The following BAMBI variants were observed in gnomAD, a reference collection of about 807,000 sequenced individuals.
The protein encoded by BAMBI is BMP and activin membrane-bound inhibitor homolog.
Under a neutral mutation model 24.1 loss-of-function variants are expected in BAMBI, and 21 were observed. That is an observed-to-expected ratio of 0.87 (90% confidence interval 0.62 to 1.26). The LOEUF is 1.26. Ranked by LOEUF, BAMBI falls within the 50% of genes most tolerant of loss-of-function variation. The pLI is 0.00. For synonymous variants in BAMBI, 156 were observed against 123.1 expected, an observed-to-expected ratio of 1.27 and a Z score of -1.77; for missense variants, 388 against 329.1, an observed-to-expected ratio of 1.18 and a Z score of -1.38.
chr10:28,681,474 G>A lies in BAMBI; in HGVS notation c.293G>A (p.Cys98Tyr). 4 of 1,614,172 alleles carry A rather than the reference G, an allele frequency of 2.5e-6. No individual in the cohort carries two copies. Among genetic ancestry groups the A allele is most frequent in the Non-Finnish European group, 3.4e-6 (4 of 1,180,036 alleles). ...GGCACCACCATACCCACATTGGAAT[G>A]CTGTCATGAAGACATGTGCAATTAC... The part of the protein sequence containing the change: ...HSGTTIPTLE[C>Y]CHEDMCNYRG... The change falls in exon 2 of 3, where the codon TGC becomes TAC. Residue 98 changes from cysteine to tyrosine, a missense_variant. By Grantham distance (194) the Cys-to-Tyr change is radical. Transcript: ENST00000375533.
chr10:28,682,245 A>G lies in BAMBI; in HGVS notation c.627A>G (p.Ala209=). The G allele has an allele frequency of 6.2e-7, 1 of 1,614,184 alleles. No homozygotes were observed. Among genetic ancestry groups the G allele is most frequent in the Non-Finnish European group, 8.5e-7 (1 of 1,180,038 alleles). The change falls in exon 3 of 3, where the codon GCA becomes GCG. Residue 209 remains alanine, a synonymous_variant. Transcript: ENST00000375533. ...HGHHSKKGQV[A]KLDLECMVPV... The stretch of plus-strand genomic sequence containing the variant: ...ACCATTCCAAAAAGGGGCAGGTTGC[A>G]AAGTTAGACTTGGAATGCATGGTGC...
chr10:28,682,616 A>G lies in BAMBI; in HGVS notation c.*215A>G. Reference sequence around the variant, plus strand: ...ATTTGCTTTTAAAATTATAAAAAGCAAAGAGAAGACTTTGTACACACTGTC... The same window carrying G: ...ATTTGCTTTTAAAATTATAAAAAGCGAAGAGAAGACTTTGTACACACTGTC... On this transcript the variant is annotated 3_prime_UTR_variant, in exon 3 of 3. Transcript: ENST00000375533. The G allele has an allele frequency of 1.9e-6, 1 of 516,488 alleles. No homozygotes were observed. Among genetic ancestry groups the G allele is most frequent in the Non-Finnish European group, 3.3e-6 (1 of 299,990 alleles). 32.0% of individuals were successfully genotyped at this position (516,488 alleles called of 1,614,324 possible).
intron 1 of BAMBI, among the ~76,000 whole-genome samples, chr10:28,678,921 C>T (rs988291765): frequency 2.0e-4 from 31 of 152,034 alleles, no homozygotes; most frequent in Admixed American, 6.5e-4. Context: ...TCAAGGTTCT[C>T]CTCACCTCCC....
In BAMBI at chr10:28,677,854, G is replaced by A. The variant is rs1464504661; in HGVS notation, c.-44G>A. ...GGGTCGTAGGCTGCCGCCGAGCCGG[G>A]GCTCCGGAAGCCGGCGGGGGCGCCG... On this transcript the variant is annotated 5_prime_UTR_variant, in exon 1 of 3. Coordinates refer to ENST00000375533, the MANE Select transcript of BAMBI (RefSeq NM_012342.3). The A allele has an allele frequency of 6.8e-7, 1 of 1,465,818 alleles. No homozygotes were observed. Among genetic ancestry groups the A allele is most frequent in the Non-Finnish European group, 9.0e-7 (1 of 1,107,958 alleles). 90.8% of individuals were successfully genotyped at this position (1,465,818 alleles called of 1,614,324 possible). A position where few individuals can be genotyped will look rare whatever the true frequency, so the allele number is the denominator to read the frequency against.
intron 2 of BAMBI, 99 bp from the exon 3 acceptor site, chr10:28,681,884 T>A (rs1225046926): frequency 4.1e-6 from 5 of 1,218,408 alleles, no homozygotes; most frequent in African/African-American, 1.5e-5. Context: ...ATTGTAAGCT[T>A]CTTTTTAATG....
Position 28,682,524 on chromosome 10 carries a change from C to A in BAMBI, c.*123C>A. On this transcript the variant is annotated 3_prime_UTR_variant, in exon 3 of 3. Coordinates refer to ENST00000375533, the MANE Select transcript of BAMBI (RefSeq NM_012342.3). Reference sequence around the variant, plus strand: ...TCTTTGAGAGACAAAATGACCTCTGCAAACAGAATCTTGGATATTTCTTCT... The same window carrying A: ...TCTTTGAGAGACAAAATGACCTCTGAAAACAGAATCTTGGATATTTCTTCT... 2.4e-6 allele frequency: 2 copies of A among 834,160 alleles called. No homozygotes were observed. Among genetic ancestry groups the A allele is most frequent in the Non-Finnish European group, 3.7e-6 (2 of 540,350 alleles). The allele number at this position is 834,160 out of a possible 1,614,324, so 51.7% of individuals were successfully genotyped here. A position where few individuals can be genotyped will look rare whatever the true frequency, so the allele number is the denominator to read the frequency against.
chr10:28,679,854 A>G (rs1457654824), intron 1 of BAMBI, among the ~76,000 whole-genome samples: 2 of 151,226 alleles, frequency 1.3e-5, no homozygotes, highest in East Asian at 1.9e-4. Context: ...CTGCAAAGCA[A>G]GGTTCTTACT....
chr10:28,681,322 G>C lies in BAMBI; in HGVS notation c.141G>C (p.Glu47Asp). 6.2e-7 allele frequency: 1 copy of C among 1,614,050 alleles called. No individual in the cohort carries two copies. The highest frequency in any genetic ancestry group is 1.1e-5 in the South Asian group (1 of 91,084). ...CVATGYMCKSELSACFSRLLD... is the reference protein window; with the variant it reads ...CVATGYMCKSDLSACFSRLLD... ...CCACTGGTTATATGTGTAAATCTGA[G>C]CTCAGCGCCTGCTTCTCTAGACTTC... is the stretch of plus-strand genomic sequence containing the variant. Residue 47 changes from glutamate to aspartate, a missense_variant, in exon 2 of 3, where the codon GAG becomes GAC. Transcript: ENST00000375533.
intron 1 of BAMBI, among the ~76,000 whole-genome samples, chr10:28,678,605 CTAAGTGTCTT>C (rs1564438670): frequency 6.6e-6 from 1 of 152,032 alleles, no homozygotes; most frequent in Non-Finnish European, 1.5e-5. Flanking sequence ...GTGTCTGTCT[CTAAGTGTCTT>C]TGTATCTCTG....
Position 28,677,939 on chromosome 10 carries a change from G to A in BAMBI, c.42G>A (p.Leu14=). 2.0e-6 allele frequency: 3 copies of A among 1,535,616 alleles called. No individual in the cohort carries two copies. Among genetic ancestry groups the A allele is most frequent in the Non-Finnish European group, 2.6e-6 (3 of 1,147,748 alleles). ...HSSYIFIWLQ[L]ELCAMAVLLT... The stretch of plus-strand genomic sequence containing the variant: ...GCTACATCTTCATCTGGCTGCAGCT[G>A]GAGCTCTGCGCCATGGCCGTGCTGC... Residue 14 remains leucine (L), a synonymous_variant, in exon 1 of 3, where the codon CTG becomes CTA. Coordinates refer to ENST00000375533, the MANE Select transcript of BAMBI (RefSeq NM_012342.3).
chr10:28,682,724 G>T lies in BAMBI; in HGVS notation c.*323G>T. 4.6e-6 allele frequency: 1 copy of T among 219,122 alleles called. No individual in the cohort carries two copies. The highest frequency in any genetic ancestry group is 1.5e-4 in the South Asian group (1 of 6,600). The allele number at this position is 219,122 out of a possible 1,614,324, so 13.6% of individuals were successfully genotyped here. A position where few individuals can be genotyped will look rare whatever the true frequency, so the allele number is the denominator to read the frequency against. On this transcript the variant is annotated 3_prime_UTR_variant, in exon 3 of 3. Coordinates refer to ENST00000375533, the MANE Select transcript of BAMBI (RefSeq NM_012342.3). ...TGCCCTATGTAAGCTTCTACATCTT[G>T]ATTTATTGTAAAGATTTAAAAGAAA...
Position 28,681,306 on chromosome 10 carries a change from A to G in BAMBI, c.125A>G (p.Tyr42Cys), listed in dbSNP as rs1315856316. The change falls in exon 2 of 3, where the codon TAT becomes TGT. Residue 42 changes from tyrosine to cysteine, a missense_variant. Physicochemically the swap from Tyr to Cys is radical, Grantham distance 194. Transcript: ENST00000375533. ...GCTGCCCACTGTGTAGCCACTGGTT[A>G]TATGTGTAAATCTGAGCTCAGCGCC... ...CDAAHCVATG[Y>C]MCKSELSACF... 7 of 1,613,848 alleles carry G rather than the reference A, an allele frequency of 4.3e-6. No individual in the cohort carries two copies. Among genetic ancestry groups the G allele is most frequent in the African/African-American group, 1.3e-5 (1 of 74,908 alleles).
In BAMBI at chr10:28,682,620, A is replaced by G; in HGVS notation, c.*219A>G. 1 of 509,880 alleles carries G rather than the reference A, an allele frequency of 2.0e-6. No individual in the cohort carries two copies. The highest frequency in any genetic ancestry group is 3.4e-6 in the Non-Finnish European group (1 of 295,362). The allele number at this position is 509,880 out of a possible 1,614,324, so 31.6% of individuals were successfully genotyped here. A position where few individuals can be genotyped will look rare whatever the true frequency, so the allele number is the denominator to read the frequency against. Reference sequence around the variant, plus strand: ...GCTTTTAAAATTATAAAAAGCAAAGAGAAGACTTTGTACACACTGTCACCA... The same window carrying G: ...GCTTTTAAAATTATAAAAAGCAAAGGGAAGACTTTGTACACACTGTCACCA... On this transcript the variant is annotated 3_prime_UTR_variant, in exon 3 of 3. Transcript: ENST00000375533.
At chr10:28,681,712 C>A in intron 2 of BAMBI, 167 bp downstream of exon 2, 1 of 815,160 alleles carries the variant, frequency 1.2e-6, no homozygotes, top group Non-Finnish European at 1.9e-6. Flanking sequence ...GCTTTTATGT[C>A]TGAGCATTAG....
chr10:28,678,928 T>A (rs1834467739), intron 1 of BAMBI, among the ~76,000 whole-genome samples: 1 of 152,120 alleles, frequency 6.6e-6, no homozygotes, highest in Admixed American at 6.5e-5. Context: ...TCTCCTCACC[T>A]CCCTGCTGTG....
chr10:28,679,250 G>A (rs1834471574), intron 1 of BAMBI, among the ~76,000 whole-genome samples: 1 of 152,200 alleles, frequency 6.6e-6, no homozygotes, highest in South Asian at 2.1e-4. Flanking sequence ...GATATAATTA[G>A]GGGATCAGAG....
rs779916358 is a variant in BAMBI at position 28,681,253 on chromosome 10, T to G, written c.77-5T>G. On this transcript the variant is annotated splice_polypyrimidine_tract_variant and splice_region_variant and intron_variant, in intron 1 of 2. Transcript: ENST00000375533. ...GAGTTTGAGGTGGTTTCTCATTGTT[T>G]TCAGGTGAAATTCGATGCTACTGTG... The G allele has an allele frequency of 1.2e-6, 2 of 1,607,936 alleles. No individual in the cohort carries two copies. Among genetic ancestry groups the G allele is most frequent in the Non-Finnish European group, 1.7e-6 (2 of 1,177,974 alleles).
intron 1 of BAMBI, among the ~76,000 whole-genome samples, chr10:28,679,530 A>AT (rs1304582437): frequency 6.9e-6 from 1 of 144,710 alleles, no homozygotes; most frequent in African/African-American, 2.6e-5. Flanking sequence ...TGTGGCTCCA[A>AT]TTAAAAAAAA....
intron 1 of BAMBI, among the ~76,000 whole-genome samples, chr10:28,680,814 T>C (rs994457333): frequency 4.6e-5 from 7 of 152,334 alleles, no homozygotes; most frequent in African/African-American, 1.4e-4. Context: ...TAGCTAAAGC[T>C]CTTAACTCTT....
Sources: allele counts gnomAD v4.1 joint callset (sites outside exome capture counted in the v4.1 genomes callset), GRCh38; gene constraint gnomAD v4.1.1; transcripts MANE v1.5; gene names NCBI Gene and HGNC (gene_info 2026-07-23, HGNC 2026-07-21).